The following TRHDE variants were observed in gnomAD, a reference collection of about 807,000 sequenced individuals.
The protein encoded by TRHDE is thyrotropin releasing hormone degrading enzyme, also known as thyrotropin-releasing hormone-degrading ectoenzyme.
A neutral mutation model predicts 125.7 loss-of-function variants in TRHDE; 72 were observed. That is an observed-to-expected ratio of 0.57 (90% CI 0.47 to 0.70). The LOEUF is 0.70. Ranked by LOEUF, TRHDE falls within the 30% of genes least tolerant of loss-of-function variation. TRHDE has a pLI of 0.00. For synonymous variants in TRHDE, 509 were observed against 509.1 expected (o/e 1.00, Z 0.00); for missense variants, 1,110 against 1,327.1 (o/e 0.84, Z 2.54).
chr12:72,554,888 G>A (rs1459487260), intron 7 of TRHDE, among the ~76,000 whole-genome samples: 1 of 152,134 alleles, frequency 6.6e-6, no homozygotes, highest in Non-Finnish European at 1.5e-5. Flanking sequence ...AAATCCTACA[G>A]TGGAAATATT....
In TRHDE at chr12:72,370,804, G is replaced by A. The variant is rs375941667; in HGVS notation, c.1189-7191G>A. On this transcript the variant is annotated intron_variant, in intron 2 of 18. Coordinates refer to ENST00000261180, the MANE Select transcript of TRHDE (RefSeq NM_013381.3). ...GTCACCAAGGCTGGAATGCGATGGCGTGATCTTGGCTCACTGCAACCTCTG... is the reference window on the plus strand; with the variant it reads ...GTCACCAAGGCTGGAATGCGATGGCATGATCTTGGCTCACTGCAACCTCTG... Among the ~76,000 whole-genome samples the A allele has an allele frequency of 4.5e-4, 69 of 151,668 alleles. 1 individual carries two copies. Among genetic ancestry groups the A allele is most frequent in the African/African-American group, 1.5e-3 (61 of 41,268 alleles).
chr12:72,382,485 C>G (rs1187392390), intron 3 of TRHDE, among the ~76,000 whole-genome samples: 2 of 152,152 alleles, frequency 1.3e-5, no homozygotes, highest in Non-Finnish European at 2.9e-5. Flanking sequence ...TGGAGAAGAG[C>G]TGTTTCTGCT....
intron 3 of TRHDE, among the ~76,000 whole-genome samples, chr12:72,409,758 C>T (rs566544485): frequency 3.6e-4 from 55 of 152,056 alleles, no homozygotes; most frequent in African/African-American, 1.3e-3. Flanking sequence ...GGAAAGCAAA[C>T]ATAATGACAG....
intron 2 of TRHDE, among the ~76,000 whole-genome samples, chr12:72,130,884 A>T (rs2139307643): frequency 6.6e-6 from 1 of 152,272 alleles, no homozygotes; most frequent in South Asian, 2.1e-4. Flanking sequence ...AGATAAAGGG[A>T]GACTTGAAAC....
At chr12:72,385,970 G>A (rs987714102) in intron 3 of TRHDE, among the ~76,000 whole-genome samples, 1 of 152,104 alleles carries the variant, frequency 6.6e-6, no homozygotes, top group Non-Finnish European at 1.5e-5. Context: ...AATGGAACCA[G>A]CGTTTATTGA....
At chr12:72,491,966 T>G (rs1324635304) in intron 5 of TRHDE, among the ~76,000 whole-genome samples, 1 of 152,012 alleles carries the variant, frequency 6.6e-6, no homozygotes, top group East Asian at 1.9e-4. Context: ...TAAAAGGTTA[T>G]GCAAACAAAC....
At chr12:72,553,051 GT>G (rs1489494169) in intron 7 of TRHDE, among the ~76,000 whole-genome samples, 1 of 152,106 alleles carries the variant, frequency 6.6e-6, no homozygotes, top group Non-Finnish European at 1.5e-5. Flanking sequence ...TTTTTTCAGT[GT>G]TTTTTGAGAG....
chr12:72,372,466 T>C, intron 2 of TRHDE, among the ~76,000 whole-genome samples: 1 of 152,212 alleles, frequency 6.6e-6, no homozygotes, highest in Admixed American at 6.5e-5. Flanking sequence ...TCTTTGCCCA[T>C]GCCTATGTCC....
At chr12:72,229,629 G>A (rs1878207989) in intron 2 of TRHDE, among the ~76,000 whole-genome samples, 1 of 152,220 alleles carries the variant, frequency 6.6e-6, no homozygotes, top group Non-Finnish European at 1.5e-5. Context: ...AGGGAATTCA[G>A]TAGATGTAAT....
upstream of TRHDE, among the ~76,000 whole-genome samples, chr12:72,268,625 A>G (rs1879123736): frequency 6.6e-6 from 1 of 152,128 alleles, no homozygotes; most frequent in South Asian, 2.1e-4. Flanking sequence ...ACCCGAGGAC[A>G]CCTAACTATG....
intron 2 of TRHDE, among the ~76,000 whole-genome samples, chr12:72,350,070 A>G (rs1055793512): frequency 5.9e-5 from 9 of 152,012 alleles, no homozygotes; most frequent in African/African-American, 1.9e-4. Context: ...CTTTAAAACT[A>G]CAATTTACTC....
intron 2 of TRHDE, among the ~76,000 whole-genome samples, chr12:72,148,438 C>CA (rs2139319151): frequency 6.6e-6 from 1 of 152,196 alleles, no homozygotes; most frequent in African/African-American, 2.4e-5. Flanking sequence ...ATCCATAAAT[C>CA]AGACATTTTG....
intron 2 of TRHDE, among the ~76,000 whole-genome samples, chr12:72,288,608 T>C (rs1879978351): frequency 6.6e-6 from 1 of 152,182 alleles, no homozygotes; most frequent in African/African-American, 2.4e-5. Context: ...TTTTACGTCT[T>C]CAAAAGTTGA....
At chr12:72,371,280 T>A (rs1035972869) in intron 2 of TRHDE, among the ~76,000 whole-genome samples, 1 of 151,084 alleles carries the variant, frequency 6.6e-6, no homozygotes, top group East Asian at 1.9e-4. Context: ...TACATACCTA[T>A]GAAACTCATT....
chr12:72,436,859 G>A (rs1874770404), intron 3 of TRHDE, among the ~76,000 whole-genome samples: 1 of 151,802 alleles, frequency 6.6e-6, no homozygotes, highest in Non-Finnish European at 1.5e-5. Flanking sequence ...AATCTTATGA[G>A]CTTCATAGAT....
chr12:72,454,470 A>T (rs1326250631), intron 3 of TRHDE, among the ~76,000 whole-genome samples: 1 of 152,240 alleles, frequency 6.6e-6, no homozygotes, highest in Non-Finnish European at 1.5e-5. Flanking sequence ...ACATCTATGG[A>T]ACCATTAATC....
chr12:72,658,910 A>G (rs1295731234), intron 18 of TRHDE, among the ~76,000 whole-genome samples: 9 of 152,126 alleles, frequency 5.9e-5, no homozygotes, highest in Non-Finnish European at 4.4e-5. Context: ...AAGATTGAGG[A>G]ACATTATTGT....
chr12:72,243,909 C>T (rs1565671405), intron 2 of TRHDE, among the ~76,000 whole-genome samples: 1 of 152,128 alleles, frequency 6.6e-6, no homozygotes, highest in Non-Finnish European at 1.5e-5. Context: ...CCTCTGAGAA[C>T]CTGATTAATT....
At chr12:72,405,724 G>A (rs1471650411) in intron 3 of TRHDE, among the ~76,000 whole-genome samples, 4 of 152,136 alleles carry the variant, frequency 2.6e-5, no homozygotes, top group African/African-American at 9.7e-5. Flanking sequence ...TTCCGAAAGG[G>A]AAAATGCTTG....
Sources: gnomAD v4.1 joint callset for allele counts (sites outside exome capture counted in the v4.1 genomes callset) on GRCh38, gnomAD v4.1.1 for gene constraint, MANE v1.5 for transcripts, NCBI Gene and HGNC (gene_info 2026-07-23, HGNC 2026-07-21) for gene names.